DLG2: variants seen among roughly 807,000 people sequenced by gnomAD.
DLG2 encodes the protein discs large MAGUK scaffold protein 2.
A neutral mutation model predicts 132.5 loss-of-function variants in DLG2; 45 were observed. The ratio of observed to expected loss-of-function variants is 0.34; its 90% CI spans 0.27 to 0.44. DLG2 has a LOEUF of 0.44. Among genes scored for constraint, DLG2 ranks in the 20% least tolerant of loss-of-function variants. The pLI, the probability that DLG2 is intolerant of heterozygous loss-of-function variation, is 1.00. For synonymous variants in DLG2, 424 were observed against 419.6 expected (o/e 1.01, Z -0.13); for missense variants, 1,045 against 1,196.9 (o/e 0.87, Z 1.87).
intron 11 of DLG2, among the ~76,000 whole-genome samples, chr11:84,015,435 G>T (rs1049359275): frequency 6.6e-6 from 1 of 152,098 alleles, no homozygotes; most frequent in African/African-American, 2.4e-5. Flanking sequence ...TGTTACATAG[G>T]TAACGGTGTG....
chr11:84,125,011 C>T (rs977676722), intron 9 of DLG2, among the ~76,000 whole-genome samples: 4 of 151,782 alleles, frequency 2.6e-5, no homozygotes, highest in African/African-American at 9.7e-5. Context: ...CCACCATGCC[C>T]GGCTAATTTT....
intron 3 of DLG2, among the ~76,000 whole-genome samples, chr11:85,427,372 G>C (rs910815308): frequency 6.6e-6 from 1 of 152,216 alleles, no homozygotes; most frequent in African/African-American, 2.4e-5. Flanking sequence ...AGGGCAGCCA[G>C]AGAGAAAGGT....
At chr11:84,179,675 A>G (rs2096066375) in intron 8 of DLG2, among the ~76,000 whole-genome samples, 1 of 152,172 alleles carries the variant, frequency 6.6e-6, no homozygotes, top group Non-Finnish European at 1.5e-5. Context: ...AGTAGGTTAG[A>G]GCATTCAGTG....
Position 83,500,600 on chromosome 11 carries a change from AG to A in DLG2, c.2194-16373del, listed in dbSNP as rs373695123. Among the ~76,000 whole-genome samples, 1,051 of 152,264 alleles carry A rather than the reference AG, an allele frequency of 6.9e-3. 17 individuals carry two copies. Among genetic ancestry groups the A allele is most frequent in the African/African-American group, 0.025 (1,018 of 41,550 alleles). On this transcript the variant is annotated intron_variant, in intron 21 of 27. Coordinates refer to ENST00000376104, the MANE Select transcript of DLG2 (RefSeq NM_001142699.3). ...AAACAGCTTTCTTCAGGTTCATTAA[AG>A]CTGATGGAGCTTTTATGCTACTGTC...
At chr11:84,749,817 G>A (rs2065881545) in intron 6 of DLG2, among the ~76,000 whole-genome samples, 1 of 152,064 alleles carries the variant, frequency 6.6e-6, no homozygotes, top group Admixed American at 6.6e-5. Context: ...CCCTGCTGTT[G>A]GTTTCCTCTA....
At position 84,534,579 on chromosome 11, in the gene DLG2, A is replaced by T; in HGVS notation, c.510T>A (p.Ser170=). The change falls in exon 7 of 28, where the codon TCT becomes TCA. Residue 170 remains serine, a synonymous_variant. Transcript: ENST00000376104. The part of the protein sequence containing the change: ...VHGYVLQSHI[S]PLKASPAPII... ...GAGCAATATAACTGACCTTCAGAGG[A>T]GAAATATGAGACTGCAAGACATATC... 6.2e-7 allele frequency: 1 copy of T among 1,613,934 alleles called. No homozygotes were observed. Among genetic ancestry groups the T allele is most frequent in the Non-Finnish European group, 8.5e-7 (1 of 1,179,880 alleles).
rs1250237642 is a variant in DLG2, at chr11:84,690,304, G to A, written c.358-155573C>T. On this transcript the variant is annotated intron_variant, in intron 6 of 27. Transcript: ENST00000376104. ...TTCTTACCACAAAAAAGATAAGCTG[G>A]TGAGATGATGGATGGATATGTTATT... 2.6e-5 allele frequency among the ~76,000 whole-genome samples: 4 copies of A among 151,784 alleles called. 1 individual carries two copies. In the South Asian group the frequency reaches 6.2e-4, roughly 24 times the overall value.
At chr11:85,614,818 T>G (rs1037775209) in intron 2 of DLG2, among the ~76,000 whole-genome samples, 5 of 152,170 alleles carry the variant, frequency 3.3e-5, no homozygotes, top group African/African-American at 9.7e-5. Context: ...ATGGGGAAAT[T>G]TTAGACTGAG....
At chr11:84,597,970 C>T (rs2099567798) in intron 6 of DLG2, among the ~76,000 whole-genome samples, 1 of 152,176 alleles carries the variant, frequency 6.6e-6, no homozygotes, top group African/African-American at 2.4e-5. Context: ...CTTAATCAAT[C>T]TATGTTTTTC....
chr11:84,231,981 G>A (rs1277396590), intron 8 of DLG2, among the ~76,000 whole-genome samples: 2 of 152,082 alleles, frequency 1.3e-5, no homozygotes, highest in Non-Finnish European at 2.9e-5. Context: ...AATGTAATGT[G>A]AGTTGAGTTG....
At chr11:83,929,196 T>C (rs1007958992) in intron 15 of DLG2, among the ~76,000 whole-genome samples, 1 of 152,180 alleles carries the variant, frequency 6.6e-6, no homozygotes, top group South Asian at 2.1e-4. Flanking sequence ...AGAACAGTAA[T>C]TGACTTCCAA....
intron 22 of DLG2, among the ~76,000 whole-genome samples, chr11:83,483,508 C>T (rs1397451173): frequency 6.6e-6 from 1 of 152,106 alleles, no homozygotes; most frequent in Non-Finnish European, 1.5e-5. Flanking sequence ...TGCAGAGCAA[C>T]TCAAGGTTTA....
intron 2 of DLG2, among the ~76,000 whole-genome samples, chr11:85,606,397 T>C (rs951027349): frequency 3.3e-5 from 5 of 152,256 alleles, no homozygotes; most frequent in Middle Eastern, 6.8e-3. Context: ...AGCTAAAGGA[T>C]TGTAAATGCA....
At chr11:83,641,154 T>C (rs558077002) in intron 18 of DLG2, among the ~76,000 whole-genome samples, 1 of 152,266 alleles carries the variant, frequency 6.6e-6, no homozygotes, top group African/African-American at 2.4e-5. Context: ...GACACAAGAC[T>C]CTTCTGATTT....
At chr11:83,841,036 T>C (rs2057408207) in intron 16 of DLG2, among the ~76,000 whole-genome samples, 1 of 152,226 alleles carries the variant, frequency 6.6e-6, no homozygotes, top group Admixed American at 6.5e-5. Context: ...TAGCTGCTTT[T>C]GCATGCATAC....
intron 11 of DLG2, among the ~76,000 whole-genome samples, chr11:83,995,025 T>G (rs1056506930): frequency 4.7e-5 from 7 of 148,892 alleles, no homozygotes; most frequent in Non-Finnish European, 1.0e-4. Flanking sequence ...TGGAATAGAG[T>G]CTACCAGTAC....
chr11:83,949,729 C>G (rs933356343), intron 14 of DLG2, among the ~76,000 whole-genome samples: 33 of 152,160 alleles, frequency 2.2e-4, no homozygotes, highest in African/African-American at 7.5e-4. Context: ...TATCTTTTGA[C>G]TAATATCTTC....
chr11:84,195,438 A>G (rs1270437860), intron 8 of DLG2, among the ~76,000 whole-genome samples: 2 of 152,164 alleles, frequency 1.3e-5, no homozygotes, highest in Non-Finnish European at 2.9e-5. Context: ...TGGTGGGATT[A>G]CAGGCATAAG....
intron 11 of DLG2, among the ~76,000 whole-genome samples, chr11:84,058,504 T>TAAAATAAA (rs372631929): frequency 8.1e-6 from 1 of 122,982 alleles, no homozygotes; most frequent in Admixed American, 7.7e-5. Flanking sequence ...AAAAAACAAA[T>TAAAATAAA]ACAATAATAA....
Sources: allele counts gnomAD v4.1 joint callset (sites outside exome capture counted in the v4.1 genomes callset), GRCh38; gene constraint gnomAD v4.1.1; transcripts MANE v1.5; gene names NCBI Gene and HGNC (gene_info 2026-07-23, HGNC 2026-07-21).